Variants in TSHR observed in about 807,000 individuals in gnomAD.
TSHR encodes thyroid stimulating hormone receptor.
In TSHR, 51 loss-of-function variants were observed where a neutral mutation model predicts 64.1. That is an observed-to-expected ratio of 0.80 (90% CI 0.64 to 1.01). TSHR has a LOEUF of 1.01. Among genes scored for constraint, TSHR ranks in the 50% least tolerant of loss-of-function variants. The pLI is 0.00. For missense variants in TSHR, 877 were observed against 942.8 expected, an observed-to-expected ratio of 0.93 and a Z score of 0.91; for synonymous variants, 361 against 361.9, an observed-to-expected ratio of 1.00 and a Z score of 0.03.
intron 1 of TSHR, among the ~76,000 whole-genome samples, chr14:81,034,143 T>C (rs781117361): frequency 1.3e-5 from 2 of 152,232 alleles, no homozygotes; most frequent in Non-Finnish European, 2.9e-5. Context: ...TGCTGCCTTA[T>C]ACTTTATACA....
intron 7 of TSHR, among the ~76,000 whole-genome samples, chr14:81,098,665 T>C (rs1287821415): frequency 1.3e-5 from 2 of 152,154 alleles, no homozygotes; most frequent in Non-Finnish European, 2.9e-5. Context: ...AAAAGTTTAG[T>C]TAGCATAAAG....
intron 8 of TSHR, among the ~76,000 whole-genome samples, chr14:81,109,225 T>C (rs572249529): frequency 2.4e-4 from 37 of 152,142 alleles, no homozygotes; most frequent in African/African-American, 7.5e-4. Context: ...CTGGCTAACA[T>C]GGTGAAACCC....
chr14:81,076,511 T>C (rs927735227), intron 3 of TSHR, among the ~76,000 whole-genome samples: 4 of 152,202 alleles, frequency 2.6e-5, no homozygotes, highest in Admixed American at 6.5e-5. Flanking sequence ...TATCCAAAAC[T>C]GACATCTTGA....
intron 8 of TSHR, among the ~76,000 whole-genome samples, chr14:81,130,285 G>T (rs1891183258): frequency 6.6e-6 from 1 of 152,074 alleles, no homozygotes; most frequent in Non-Finnish European, 1.5e-5. Flanking sequence ...ACTCCAATCA[G>T]GTTTTCACTT....
chr14:81,034,880 A>G (rs941970188), intron 1 of TSHR, among the ~76,000 whole-genome samples: 6 of 152,152 alleles, frequency 3.9e-5, no homozygotes, highest in East Asian at 1.9e-4. Flanking sequence ...ACTCCAGAAG[A>G]AAAAAAATAC....
intron 8 of TSHR, among the ~76,000 whole-genome samples, chr14:81,114,960 G>C (rs900044446): frequency 7.2e-5 from 11 of 152,144 alleles, no homozygotes; most frequent in African/African-American, 1.2e-4. Context: ...CAGACCTGCA[G>C]CTGAGGGTCC....
chr14:81,052,058 C>T (rs1484994818), intron 1 of TSHR: 2 of 151,972 alleles, frequency 1.3e-5, no homozygotes, highest in Admixed American at 6.6e-5. Context: ...TGATGCAATC[C>T]CAATTGTCTA....
intron 8 of TSHR, among the ~76,000 whole-genome samples, chr14:81,125,505 TCA>T (rs1890984549): frequency 6.6e-6 from 1 of 152,136 alleles, no homozygotes; most frequent in Non-Finnish European, 1.5e-5. Context: ...GATACCTCTG[TCA>T]CAGCCACTGA....
In TSHR at chr14:81,143,510, T is replaced by C. The variant is rs1891792421; in HGVS notation, c.1452T>C (p.His484=). 5 of 1,613,732 alleles carry C rather than the reference T, an allele frequency of 3.1e-6. No homozygotes were observed. The highest frequency in any genetic ancestry group is 4.2e-6 in the Non-Finnish European group (5 of 1,180,040). ...ACACTCACTCTGAGTACTACAACCATGCCATCGACTGGCAGACAGGCCCTG... is the reference window on the plus strand; with the variant it reads ...ACACTCACTCTGAGTACTACAACCACGCCATCGACTGGCAGACAGGCCCTG... ...DLYTHSEYYN[H]AIDWQTGPGC... The change falls in exon 10 of 10, where the codon CAT becomes CAC. Residue 484 remains histidine (H), a synonymous_variant. Coordinates refer to ENST00000298171, the MANE Select transcript of TSHR (RefSeq NM_000369.5).
At chr14:80,964,692 T>G (rs1887205822) in intron 1 of TSHR, among the ~76,000 whole-genome samples, 1 of 152,244 alleles carries the variant, frequency 6.6e-6, no homozygotes, top group African/African-American at 2.4e-5. Flanking sequence ...AAGGTGTCCT[T>G]GACCCCTCAC....
chr14:81,104,792 T>C (rs1889792657), intron 7 of TSHR: 1 of 985,254 alleles, frequency 1.0e-6, no homozygotes. Flanking sequence ...GCTTCTTAAC[T>C]CCATGTATGG....
intron 8 of TSHR, among the ~76,000 whole-genome samples, chr14:81,137,967 C>T (rs568689528): frequency 6.6e-6 from 1 of 152,082 alleles, no homozygotes; most frequent in Non-Finnish European, 1.5e-5. Context: ...GATGGCCACA[C>T]CTTGAAGACA....
chr14:80,963,672 A>G (rs1172339645), intron 1 of TSHR, among the ~76,000 whole-genome samples: 5 of 152,174 alleles, frequency 3.3e-5, no homozygotes, highest in African/African-American at 1.2e-4. Flanking sequence ...TATTTGTTCA[A>G]ATTCATCTTG....
intron 1 of TSHR, chr14:80,982,204 G>A (rs946770836): frequency 3.4e-6 from 2 of 588,668 alleles, no homozygotes; most frequent in African/African-American, 1.9e-5. Context: ...ATGAAGGAAG[G>A]AGCCCCTGTC....
At chr14:81,116,609 T>A (rs1325998474) in intron 8 of TSHR, among the ~76,000 whole-genome samples, 5 of 145,542 alleles carry the variant, frequency 3.4e-5, no homozygotes, top group African/African-American at 1.4e-4. Context: ...AATGTCAACA[T>A]TAGACAGATC....
intron 1 of TSHR, among the ~76,000 whole-genome samples, chr14:81,049,124 T>G (rs568952830): frequency 6.6e-6 from 1 of 152,182 alleles, no homozygotes; most frequent in Non-Finnish European, 1.5e-5. Flanking sequence ...ACGTAGGTCT[T>G]GTATTATTTC....
intron 1 of TSHR, among the ~76,000 whole-genome samples, chr14:81,058,589 G>T (rs72689937): frequency 6.6e-6 from 1 of 152,112 alleles, no homozygotes; most frequent in Non-Finnish European, 1.5e-5. Context: ...TCTTCTTATT[G>T]TGAATTATCA....
At chr14:81,009,968 G>C (rs1025902353) in intron 1 of TSHR, among the ~76,000 whole-genome samples, 1 of 152,172 alleles carries the variant, frequency 6.6e-6, no homozygotes, top group Non-Finnish European at 1.5e-5. Context: ...ACTCTTTGGA[G>C]TGATTGTAGC....
chr14:81,041,297 A>G (rs1391782756), intron 1 of TSHR, among the ~76,000 whole-genome samples: 1 of 152,214 alleles, frequency 6.6e-6, no homozygotes, highest in Non-Finnish European at 1.5e-5. Context: ...AGAATGGATA[A>G]AAAAATGTGT....
Sources: allele counts gnomAD v4.1 joint callset (sites outside exome capture counted in the v4.1 genomes callset), GRCh38; gene constraint gnomAD v4.1.1; transcripts MANE v1.5; gene names NCBI Gene and HGNC (gene_info 2026-07-23, HGNC 2026-07-21).